PCSK5: variants seen among roughly 807,000 people sequenced by gnomAD.
PCSK5 encodes the protein proprotein convertase subtilisin/kexin type 5, also known as prohormone convertase 5.
PCSK5 carries 129 observed loss-of-function variants against 233.2 expected under a neutral mutation model. The observed-to-expected ratio is 0.55, with a 90% CI of 0.48 to 0.64. The LOEUF (loss-of-function observed/expected upper bound fraction) is 0.64, where lower values mean the gene tolerates loss of function less well. PCSK5 is among the 30% of genes least tolerant of loss of function. PCSK5 has a pLI of 0.00. For missense variants in PCSK5, 2,076 were observed against 2,430.1 expected (o/e 0.85, Z 3.06); for synonymous variants, 825 against 879.2 (o/e 0.94, Z 1.09).
intron 7 of PCSK5, among the ~76,000 whole-genome samples, chr9:76,080,918 TA>T (rs1830809664): frequency 6.6e-6 from 1 of 152,206 alleles, no homozygotes; most frequent in African/African-American, 2.4e-5. Context: ...ATAAAATTTT[TA>T]TTGTTCTAAA....
chr9:75,937,350 T>C (rs1352491961), intron 2 of PCSK5, among the ~76,000 whole-genome samples: 3 of 152,112 alleles, frequency 2.0e-5, no homozygotes, highest in African/African-American at 7.2e-5. Flanking sequence ...GGCTAATTTT[T>C]GTATTTTTAG....
chr9:76,204,537 G>C (rs565579949), intron 20 of PCSK5, among the ~76,000 whole-genome samples: 10 of 150,306 alleles, frequency 6.7e-5, no homozygotes, highest in African/African-American at 2.5e-4. Context: ...TGTCCCGGTG[G>C]CCAAGCCTCC....
intron 22 of PCSK5, among the ~76,000 whole-genome samples, chr9:76,238,440 G>A (rs745425731): frequency 2.4e-4 from 37 of 152,134 alleles, no homozygotes; most frequent in Non-Finnish European, 4.6e-4. Flanking sequence ...TGTCATTATC[G>A]GCATTGGCAG....
intron 3 of PCSK5, among the ~76,000 whole-genome samples, chr9:75,999,934 T>C (rs1420248549): frequency 1.3e-5 from 2 of 152,202 alleles, no homozygotes; most frequent in Admixed American, 6.5e-5. Context: ...CGGGATCTAA[T>C]TAAACTAAAG....
At chr9:76,139,319 T>G (rs932784051) in intron 10 of PCSK5, among the ~76,000 whole-genome samples, 1 of 152,170 alleles carries the variant, frequency 6.6e-6, no homozygotes, top group Non-Finnish European at 1.5e-5. Context: ...GGGTAAAGTT[T>G]CATTTTCCTT....
chr9:76,190,777 A>G (rs531717893), intron 20 of PCSK5, among the ~76,000 whole-genome samples: 2 of 152,338 alleles, frequency 1.3e-5, no homozygotes, highest in South Asian at 2.1e-4. Context: ...ATAGAACTTA[A>G]TATTTCAAAA....
intron 20 of PCSK5, among the ~76,000 whole-genome samples, chr9:76,201,762 G>C (rs994831157): frequency 6.6e-6 from 1 of 152,156 alleles, no homozygotes; most frequent in Non-Finnish European, 1.5e-5. Flanking sequence ...GGCAGTGGCT[G>C]TTACAAAGAA....
chr9:76,354,825 C>T (rs1397552821), intron 37 of PCSK5, among the ~76,000 whole-genome samples: 1 of 152,042 alleles, frequency 6.6e-6, no homozygotes, highest in Admixed American at 6.6e-5. Context: ...TTCTGCTTGC[C>T]TCCAAGACTA....
At chr9:75,949,407 A>G (rs575048137) in intron 2 of PCSK5, among the ~76,000 whole-genome samples, 38 of 152,030 alleles carry the variant, frequency 2.5e-4, no homozygotes, top group Middle Eastern at 6.8e-3. Flanking sequence ...GGGATTTCCT[A>G]TTTTTCCATG....
intron 13 of PCSK5, among the ~76,000 whole-genome samples, chr9:76,170,725 A>G (rs1249598949): frequency 1.3e-5 from 2 of 152,194 alleles, no homozygotes; most frequent in Non-Finnish European, 2.9e-5. Context: ...TCTCCAGATT[A>G]CAGAATAAAG....
At chr9:76,223,492 C>T (rs1038136199) in intron 20 of PCSK5, among the ~76,000 whole-genome samples, 3 of 152,180 alleles carry the variant, frequency 2.0e-5, no homozygotes, top group Non-Finnish European at 4.4e-5. Flanking sequence ...CAGTAAGCCA[C>T]TTGTAACTTT....
At chr9:76,139,532 T>C (rs1449945362) in intron 10 of PCSK5, among the ~76,000 whole-genome samples, 20 of 152,014 alleles carry the variant, frequency 1.3e-4, no homozygotes. Flanking sequence ...TTGACTCCAG[T>C]CTTGATCCCA....
intron 10 of PCSK5, among the ~76,000 whole-genome samples, chr9:76,146,542 G>A (rs202203758): frequency 9.5e-5 from 10 of 104,840 alleles, no homozygotes; most frequent in African/African-American, 3.2e-4. Context: ...ATATATATAT[G>A]TGTATATATA....
chr9:75,913,538 C>T (rs1236505844), intron 1 of PCSK5, among the ~76,000 whole-genome samples: 1 of 152,156 alleles, frequency 6.6e-6, no homozygotes, highest in African/African-American at 2.4e-5. Flanking sequence ...GGAACATGGG[C>T]TAGAAGATCA....
intron 12 of PCSK5, among the ~76,000 whole-genome samples, chr9:76,163,337 ACTC>A (rs2131828167): frequency 6.6e-6 from 1 of 152,220 alleles, no homozygotes. Context: ...ACTTGCCTGA[ACTC>A]CTGTGAAGAA....
At chr9:76,289,517 T>TACACACACACAC (rs138282168) in intron 24 of PCSK5, among the ~76,000 whole-genome samples, 25 of 119,454 alleles carry the variant, frequency 2.1e-4, no homozygotes, top group Non-Finnish European at 3.3e-4. Flanking sequence ...ACACGCAACA[T>TACACACACACAC]ACACACACAC....
At chr9:76,129,240 AT>A (rs1822656035) in intron 9 of PCSK5, among the ~76,000 whole-genome samples, 1 of 140,186 alleles carries the variant, frequency 7.1e-6, no homozygotes, top group African/African-American at 2.6e-5. Context: ...TTCTATTTCT[AT>A]TTTACATAAT....
intron 24 of PCSK5, among the ~76,000 whole-genome samples, chr9:76,259,745 G>A (rs1186709680): frequency 6.6e-6 from 1 of 152,058 alleles, no homozygotes; most frequent in Admixed American, 6.6e-5. Flanking sequence ...GTCAATGTCA[G>A]CGTCCTCACA....
chr9:76,161,513 G>A (rs1822856347), intron 12 of PCSK5, among the ~76,000 whole-genome samples: 1 of 150,806 alleles, frequency 6.6e-6, no homozygotes, highest in African/African-American at 2.4e-5. Context: ...GAAATACTGT[G>A]AAGTGCAAAG....
Sources: gnomAD v4.1 joint callset for allele counts (sites outside exome capture counted in the v4.1 genomes callset) on GRCh38, gnomAD v4.1.1 for gene constraint, MANE v1.5 for transcripts, NCBI Gene and HGNC (gene_info 2026-07-23, HGNC 2026-07-21) for gene names.